Variants in TMEM181 observed in about 807,000 individuals in gnomAD.
TMEM181 encodes transmembrane protein 181, also known as G protein-coupled receptor 178.
In TMEM181, 39 loss-of-function variants were observed where a neutral mutation model predicts 71.9. The ratio of observed to expected loss-of-function variants is 0.54; its 90% CI spans 0.42 to 0.71. TMEM181 has a LOEUF of 0.71. Ranked by LOEUF, TMEM181 falls within the 30% of genes least tolerant of loss-of-function variation. TMEM181 has a pLI of 0.00. For synonymous variants in TMEM181, 245 were observed against 228.8 expected (o/e 1.07, Z -0.64); for missense variants, 595 against 583.0 (o/e 1.02, Z -0.21).
intron 1 of TMEM181, among the ~76,000 whole-genome samples, chr6:158,554,031 C>T (rs1031061977): frequency 1.2e-4 from 18 of 152,218 alleles, no homozygotes; most frequent in African/African-American, 4.1e-4. Context: ...CTCATCCTCC[C>T]GAGTAGCTGG....
Position 158,536,663 on chromosome 6 carries a change from G to C in TMEM181, c.-72G>C. On this transcript the variant is annotated 5_prime_UTR_variant, in exon 1 of 17. Transcript: ENST00000367090. ...CCAGCAGCCCGATCCCCAGTGCTGG[G>C]AGAAGAGAGGGGGCGCAGGCGGCGA... 4 of 1,508,686 alleles carry C rather than the reference G, an allele frequency of 2.7e-6. No homozygotes were observed. The South Asian group carries it at 5.0e-5, about 19-fold the overall frequency. The allele number at this position is 1,508,686 out of a possible 1,614,324, so 93.5% of individuals were successfully genotyped here.
chr6:158,611,463 G>T (rs1392472732), intron 10 of TMEM181: 2 of 536,746 alleles, frequency 3.7e-6, no homozygotes, highest in African/African-American at 1.9e-5. Context: ...GACCTTGTTG[G>T]GTTCCTCAGT....
At chr6:158,545,541 A>C (rs1352182871) in intron 1 of TMEM181, among the ~76,000 whole-genome samples, 1 of 152,340 alleles carries the variant, frequency 6.6e-6, no homozygotes, top group African/African-American at 2.4e-5. Context: ...TGTGGGATGC[A>C]GGGGCACGTG....
chr6:158,608,405 T>A lies in TMEM181; in HGVS notation c.746T>A (p.Met249Lys). ...PGMLDDLFQS[M>K]FLCALLLFWL... ...ATGCTGGATGACCTCTTTCAGTCCA[T>A]GTTCCTGTGCGCCCTGCTGCTCTTC... Residue 249 changes from methionine to lysine, a missense_variant, in exon 9 of 17, where the codon ATG (methionine) becomes AAG (lysine). Met to Lys is a moderately conservative substitution (Grantham distance 95). Transcript: ENST00000684151. 6.2e-7 allele frequency: 1 copy of A among 1,614,246 alleles called. No homozygotes were observed. The highest frequency in any genetic ancestry group is 2.2e-5 in the East Asian group (1 of 44,886).
rs1786695051 is a variant in TMEM181 at position 158,632,009 on chromosome 6, T to C, written c.*121T>C. On this transcript the variant is annotated 3_prime_UTR_variant, in exon 17 of 17. Transcript: ENST00000684151. ...AGCAGAGATTTCCTGTTCATTTGTT[T>C]ACATATTTTTTTAAAGGAAAACCAA... 1.2e-5 allele frequency: 13 copies of C among 1,040,632 alleles called. No individual in the cohort carries two copies. Among genetic ancestry groups the C allele is most frequent in the Admixed American group, 1.1e-4 (4 of 36,238 alleles). 64.5% of individuals were successfully genotyped at this position (1,040,632 alleles called of 1,614,324 possible).
chr6:158,560,033 G>A (rs1782062937), upstream of TMEM181: 1 of 985,016 alleles, frequency 1.0e-6, no homozygotes, highest in Non-Finnish European at 1.2e-6. Flanking sequence ...ACCGCGCCGC[G>A]CCCTCTTCCG....
chr6:158,544,677 G>T (rs1781468136), intron 1 of TMEM181, among the ~76,000 whole-genome samples: 1 of 152,078 alleles, frequency 6.6e-6, no homozygotes, highest in Non-Finnish European at 1.5e-5. Context: ...CGGCTGGCTG[G>T]TTCTCTTGCT....
intron 13 of TMEM181, among the ~76,000 whole-genome samples, chr6:158,626,178 G>A (rs527330831): frequency 5.3e-5 from 8 of 152,306 alleles, no homozygotes; most frequent in African/African-American, 9.6e-5. Flanking sequence ...GATGGGAGGC[G>A]AAGTGGGCTT....
intron 1 of TMEM181, among the ~76,000 whole-genome samples, chr6:158,543,335 C>G (rs1252922373): frequency 1.3e-5 from 2 of 152,228 alleles, no homozygotes; most frequent in African/African-American, 4.8e-5. Context: ...AAAGACCATC[C>G]TTTGCCAGAG....
chr6:158,544,584 C>T (rs1163431620), intron 1 of TMEM181, among the ~76,000 whole-genome samples: 1 of 152,186 alleles, frequency 6.6e-6, no homozygotes, highest in Non-Finnish European at 1.5e-5. Context: ...TTTCTTCAGC[C>T]TCAGTGGCAT....
chr6:158,603,476 C>T (rs1332557467), intron 6 of TMEM181, among the ~76,000 whole-genome samples: 8 of 152,160 alleles, frequency 5.3e-5, no homozygotes, highest in Non-Finnish European at 1.0e-4. Flanking sequence ...TGCTGTATGG[C>T]CCGGTTGCTG....
At chr6:158,616,636 CTTA>C (rs1232614101) in intron 10 of TMEM181, among the ~76,000 whole-genome samples, 7 of 152,200 alleles carry the variant, frequency 4.6e-5, no homozygotes, top group South Asian at 2.1e-4. Context: ...ATAAATAGCT[CTTA>C]TTATTTTGAG....
chr6:158,606,652 A>C (rs1448541544), intron 7 of TMEM181, among the ~76,000 whole-genome samples: 1 of 152,262 alleles, frequency 6.6e-6, no homozygotes, highest in Non-Finnish European at 1.5e-5. Context: ...AAGCAGTTTA[A>C]AGAAACTTAT....
intron 6 of TMEM181, among the ~76,000 whole-genome samples, chr6:158,593,096 A>T (rs547820425): frequency 6.6e-6 from 1 of 152,300 alleles, no homozygotes; most frequent in African/African-American, 2.4e-5. Flanking sequence ...TAGTAATTCT[A>T]ATTTTAGAAA....
Position 158,580,939 on chromosome 6 carries a change from G to C in TMEM181, c.113-1G>C, listed in dbSNP as rs1562633394. On this transcript the variant is annotated splice_acceptor_variant, in intron 2 of 16. Coordinates refer to ENST00000684151, the MANE Select transcript of TMEM181 (RefSeq NM_001376852.1). LOFTEE classifies it high-confidence loss of function. ...TTTTGTCCTTTTCTGTTACACTTTA[G>C]GACCTAAAGTGATCCAGACTTCTGC... 1 of 1,602,710 alleles carries C rather than the reference G, an allele frequency of 6.2e-7. No individual in the cohort carries two copies. The highest frequency in any genetic ancestry group is 8.5e-7 in the Non-Finnish European group (1 of 1,170,758).
intron 1 of TMEM181, among the ~76,000 whole-genome samples, chr6:158,564,919 T>C (rs1230305949): frequency 1.3e-5 from 2 of 152,194 alleles, no homozygotes; most frequent in Non-Finnish European, 2.9e-5. Flanking sequence ...TTGTCAATTC[T>C]CATGTGGGAG....
At chr6:158,611,522 GT>G (rs1562307471) in intron 10 of TMEM181, 3 of 490,022 alleles carry the variant, frequency 6.1e-6, no homozygotes, top group South Asian at 3.1e-5. Context: ...AGTTCATGGA[GT>G]TACGAGAACT....
chr6:158,544,380 A>G (rs1018118018), intron 1 of TMEM181, among the ~76,000 whole-genome samples: 1 of 152,102 alleles, frequency 6.6e-6, no homozygotes. Flanking sequence ...TGGTCAACCT[A>G]AAGGTGGATC....
At chr6:158,595,468 T>G (rs1188688677) in intron 6 of TMEM181, among the ~76,000 whole-genome samples, 1 of 152,218 alleles carries the variant, frequency 6.6e-6, no homozygotes, top group Non-Finnish European at 1.5e-5. Context: ...ATACGTATAT[T>G]GACCAAAAGA....
Sources: allele counts gnomAD v4.1 joint callset (sites outside exome capture counted in the v4.1 genomes callset), GRCh38; gene constraint gnomAD v4.1.1; transcripts MANE v1.5; gene names NCBI Gene and HGNC (gene_info 2026-07-23, HGNC 2026-07-21).